The following LRPPRC variants were observed in gnomAD, a reference collection of about 807,000 sequenced individuals.
The protein encoded by LRPPRC is leucine-rich PPR motif-containing protein, mitochondrial.
A neutral mutation model predicts 180.3 loss-of-function variants in LRPPRC; 120 were observed. That is an observed-to-expected ratio of 0.67 (90% CI 0.57 to 0.77). The LOEUF (loss-of-function observed/expected upper bound fraction) is 0.77. LRPPRC is among the 30% of genes least tolerant of loss of function. The probability of loss-of-function intolerance (pLI) is 0.00; values close to 1 mark genes in which losing one functional copy is unlikely to be tolerated. For missense variants in LRPPRC, 2,012 were observed against 1,657.2 expected, an observed-to-expected ratio of 1.21 and a Z score of -3.72; for synonymous variants, 723 against 600.0, an observed-to-expected ratio of 1.21 and a Z score of -3.00.
intron 12 of LRPPRC, 108 bp downstream of exon 12, chr2:43,963,480 G>T: frequency 2.5e-6 from 2 of 789,532 alleles, no homozygotes; most frequent in South Asian, 2.7e-5. Flanking sequence ...ATACAGATTT[G>T]ACCATTTTGA....
intron 30 of LRPPRC, among the ~76,000 whole-genome samples, chr2:43,908,102 T>C (rs1051051479): frequency 6.6e-6 from 1 of 152,150 alleles, no homozygotes; most frequent in African/African-American, 2.4e-5. Flanking sequence ...TATAGCATTA[T>C]TTCCGAACAG....
intron 16 of LRPPRC, 124 bp from the exon 17 acceptor site, chr2:43,948,642 A>C: frequency 1.4e-6 from 1 of 694,998 alleles, no homozygotes; most frequent in Middle Eastern, 2.6e-4. Flanking sequence ...CTGAAATGGC[A>C]ACAATGATCA....
At chr2:43,926,005 G>T in intron 25 of LRPPRC, 44 bp from the exon 26 acceptor site, 2 of 1,128,240 alleles carry the variant, frequency 1.8e-6, no homozygotes, top group Non-Finnish European at 2.7e-6. Context: ...TAAGGCTTCG[G>T]CTGAATATTA....
intron 36 of LRPPRC, among the ~76,000 whole-genome samples, chr2:43,890,792 G>C (rs1670464362): frequency 6.6e-6 from 1 of 152,196 alleles, no homozygotes; most frequent in African/African-American, 2.4e-5. Flanking sequence ...GATGAAATAT[G>C]TTAGGAGCCA....
chr2:43,897,693 T>G (rs1670734340), intron 34 of LRPPRC, among the ~76,000 whole-genome samples: 1 of 151,994 alleles, frequency 6.6e-6, no homozygotes, highest in South Asian at 2.1e-4. Flanking sequence ...CCAAGAGCCC[T>G]TCAGTGAGGT....
Position 43,949,642 on chromosome 2 carries a change from G to A in LRPPRC, c.1695C>T (p.Tyr565=). 4 of 1,613,748 alleles carry A rather than the reference G, an allele frequency of 2.5e-6. No homozygotes were observed. Among genetic ancestry groups the A allele is most frequent in the Non-Finnish European group, 3.4e-6 (4 of 1,179,734 alleles). Residue 565 remains tyrosine (Y), a synonymous_variant, in exon 16 of 38, where the codon TAC becomes TAT. Transcript: ENST00000260665. ...GCTCCTGGCAATAACGTCCATCCTT[G>A]TACAACAATTCTGTTATCTGGTAAG... ...NLWSEITELL[Y]KDGRYCQEPR... is the part of the protein sequence containing the mutation.
In LRPPRC at chr2:43,943,695, G is replaced by A. The variant is rs1379000813; in HGVS notation, c.2496C>T (p.His832=). The change falls in exon 23 of 38, where the codon CAC becomes CAT. Residue 832 remains histidine, a synonymous_variant. Coordinates refer to ENST00000260665, the MANE Select transcript of LRPPRC (RefSeq NM_133259.4). ...AAATTCAATTAACTTACTTTTCCAA[G>A]TGTACAGTGACCAATGGGAAACTTA... The part of the protein sequence containing the change: ...TNISFPLVTV[H]LEKGDLSTAL... The A allele has an allele frequency of 6.2e-7, 1 of 1,612,018 alleles. No individual in the cohort carries two copies. The highest frequency in any genetic ancestry group is 2.2e-5 in the East Asian group (1 of 44,870).
intron 13 of LRPPRC, among the ~76,000 whole-genome samples, chr2:43,957,985 G>A (rs1025263400): frequency 4.6e-5 from 7 of 152,252 alleles, no homozygotes; most frequent in African/African-American, 1.4e-4. Context: ...TAGGTCATAC[G>A]TCCGTTATGT....
At chr2:43,960,098 T>C (rs1158918653) in intron 13 of LRPPRC, among the ~76,000 whole-genome samples, 1 of 152,210 alleles carries the variant, frequency 6.6e-6, no homozygotes, top group East Asian at 1.9e-4. Flanking sequence ...AAACATTTGC[T>C]GTGTTTTTGT....
At chr2:43,889,587 C>G (rs1369506212) in intron 37 of LRPPRC, 147 bp downstream of exon 37, 10 of 739,550 alleles carry the variant, frequency 1.4e-5, no homozygotes, top group African/African-American at 3.5e-5. Context: ...AGGCATGCTG[C>G]TCAGTCCCTC....
Position 43,974,219 on chromosome 2 carries a change from G to C in LRPPRC, c.1086C>G (p.Pro362=). 1.9e-6 allele frequency: 3 copies of C among 1,610,678 alleles called. No individual in the cohort carries two copies. Among genetic ancestry groups the C allele is most frequent in the Non-Finnish European group, 2.5e-6 (3 of 1,176,956 alleles). The part of the protein sequence containing the change: ...DVALQILLAC[P]VSKEDGPSVF... ...CACTTGGGCCATCTTCCTTTGATAC[G>C]GGGCATGCTAGTAAAATTTGCAACG... Residue 362 remains proline, a synonymous_variant, in exon 9 of 38, where the codon CCC becomes CCG. Transcript: ENST00000260665.
rs143314973 is a variant in LRPPRC at position 43,993,904 on chromosome 2, G to C, written c.149+1895C>G. On this transcript the variant is annotated intron_variant, in intron 1 of 37. Coordinates refer to ENST00000260665, the MANE Select transcript of LRPPRC (RefSeq NM_133259.4). ...TAAGAAAGCAACTTTACAAAGATAA[G>C]GGGGAAAGGCCTTTACAGATAATGA... 5.9e-3 allele frequency among the ~76,000 whole-genome samples: 896 copies of C among 152,114 alleles called. 9 individuals carry two copies. The highest frequency in any genetic ancestry group is 0.021 in the African/African-American group (852 of 41,474).
intron 11 of LRPPRC, among the ~76,000 whole-genome samples, chr2:43,972,789 C>T (rs761499302): frequency 2.6e-5 from 4 of 152,110 alleles, no homozygotes; most frequent in Non-Finnish European, 5.9e-5. Flanking sequence ...GTTGTTTGTG[C>T]ATTCTGTTTG....
intron 14 of LRPPRC, among the ~76,000 whole-genome samples, chr2:43,951,701 G>A (rs946567981): frequency 2.0e-5 from 3 of 152,156 alleles, no homozygotes; most frequent in African/African-American, 7.2e-5. Flanking sequence ...AAAGCTGGGG[G>A]ATGGGTACAT....
intron 16 of LRPPRC, 86 bp from the exon 17 acceptor site, chr2:43,948,604 G>A (rs1248261360): frequency 1.3e-6 from 1 of 767,782 alleles, no homozygotes; most frequent in East Asian, 2.5e-5. Context: ...AATCATTTTG[G>A]TGTGAGATGT....
At chr2:43,983,052 G>C (rs1283504933) in intron 1 of LRPPRC, among the ~76,000 whole-genome samples, 2 of 151,830 alleles carry the variant, frequency 1.3e-5, no homozygotes, top group Non-Finnish European at 2.9e-5. Context: ...CAAAATGTTA[G>C]CTGTATTCTT....
At chr2:43,932,712 G>GC (rs1180997461) in intron 25 of LRPPRC, among the ~76,000 whole-genome samples, 7 of 152,174 alleles carry the variant, frequency 4.6e-5, no homozygotes, top group Non-Finnish European at 7.4e-5. Context: ...CAGGAAACAT[G>GC]CAAGCTGCTT....
At chr2:43,911,523 CTTTT>C (rs531172761) in intron 30 of LRPPRC, among the ~76,000 whole-genome samples, 5 of 92,348 alleles carry the variant, frequency 5.4e-5, no homozygotes, top group South Asian at 4.3e-4. Context: ...TCTTCTTCTT[CTTTT>C]TTTTTTTTTT....
At chr2:43,916,782 T>C (rs562563354) in intron 29 of LRPPRC, among the ~76,000 whole-genome samples, 4 of 151,426 alleles carry the variant, frequency 2.6e-5, no homozygotes, top group Non-Finnish European at 5.9e-5. Flanking sequence ...AGCGAGACCT[T>C]GTCACTACAA....
Sources: gnomAD v4.1 joint callset for allele counts (sites outside exome capture counted in the v4.1 genomes callset) on GRCh38, gnomAD v4.1.1 for gene constraint, MANE v1.5 for transcripts, NCBI Gene and HGNC (gene_info 2026-07-23, HGNC 2026-07-21) for gene names.